The following DNAH10 variants were observed in gnomAD, a reference collection of about 807,000 sequenced individuals.
DNAH10 encodes the protein axonemal beta dynein heavy chain 10.
Under a neutral mutation model 506.6 loss-of-function variants are expected in DNAH10, and 348 were observed. The ratio of observed to expected loss-of-function variants is 0.69; its 90% CI spans 0.63 to 0.75. The LOEUF is 0.75. Ranked by LOEUF, DNAH10 falls within the 30% of genes least tolerant of loss-of-function variation. The pLI is 0.00. For synonymous variants in DNAH10, 2,059 were observed against 2,198.6 expected, an observed-to-expected ratio of 0.94 and a Z score of 1.78; for missense variants, 5,179 against 5,787.1, an observed-to-expected ratio of 0.89 and a Z score of 3.41.
intron 29 of DNAH10, among the ~76,000 whole-genome samples, chr12:123,840,744 G>T (rs1437726814): frequency 1.3e-5 from 2 of 152,042 alleles, no homozygotes; most frequent in African/African-American, 2.4e-5. Flanking sequence ...GGGCCCTAAA[G>T]GACTCATTGT....
chr12:123,908,081 TCTCTGTCTCCTCCCTGTC>T (rs1953872166), intron 57 of DNAH10, among the ~76,000 whole-genome samples: 1 of 130,804 alleles, frequency 7.6e-6, no homozygotes, highest in South Asian at 2.3e-4. Flanking sequence ...CCTCCCTGTC[TCTCTGTCTCCTCCCTGTC>T]TCCCTGTCTC....
intron 51 of DNAH10, among the ~76,000 whole-genome samples, chr12:123,884,710 T>G (rs1002455859): frequency 3.9e-5 from 6 of 152,256 alleles, no homozygotes; most frequent in East Asian, 1.9e-4. Flanking sequence ...TGTGTGTGTG[T>G]GGGGAGAACA....
chr12:123,808,570 A>T (rs541674036), intron 18 of DNAH10, among the ~76,000 whole-genome samples: 2 of 152,238 alleles, frequency 1.3e-5, no homozygotes, highest in African/African-American at 4.8e-5. Context: ...CTATTTTCCA[A>T]CCAAAAGGTC....
Position 123,923,848 on chromosome 12 carries a change from A to C in DNAH10, c.11592A>C (p.Glu3864Asp). The change falls in exon 66 of 79, where the codon GAA becomes GAC. Residue 3864 changes from glutamate to aspartate, a missense_variant. Glu to Asp is a conservative substitution (Grantham distance 45). Coordinates refer to ENST00000673944, the MANE Select transcript of DNAH10 (RefSeq NM_001372106.1). ...EQAEGRVPQE[E>D]LDFFLKGNIS... ...CAGAAGGGAGAGTCCCTCAAGAAGA[A>C]CTAGATTTCTTTTTAAAAGGTAATG... 3 of 1,610,226 alleles carry C rather than the reference A, an allele frequency of 1.9e-6. No homozygotes were observed. The highest frequency in any genetic ancestry group is 2.5e-6 in the Non-Finnish European group (3 of 1,178,762).
intron 59 of DNAH10, among the ~76,000 whole-genome samples, chr12:123,912,600 C>G (rs1389641481): frequency 6.6e-6 from 1 of 152,124 alleles, no homozygotes; most frequent in African/African-American, 2.4e-5. Context: ...GAAATGTCTC[C>G]AGACAGTACC....
rs1952031942 is a variant in DNAH10 at position 123,871,441 on chromosome 12, C to T, written c.7640-16C>T. 6.3e-7 allele frequency: 1 copy of T among 1,584,136 alleles called. No homozygotes were observed. Among genetic ancestry groups the T allele is most frequent in the South Asian group, 1.2e-5 (1 of 86,750 alleles). On this transcript the variant is annotated splice_polypyrimidine_tract_variant and intron_variant, in intron 44 of 78. Coordinates refer to ENST00000673944, the MANE Select transcript of DNAH10 (RefSeq NM_001372106.1). ...TGGAGTTGCTGAGATGCCCCTGTTC[C>T]TAATGTCTACTTTAGTTCACACAGT...
At chr12:123,819,440 A>G (rs1032963996) in intron 23 of DNAH10, among the ~76,000 whole-genome samples, 190 bp downstream of exon 23, 3 of 150,254 alleles carry the variant, frequency 2.0e-5, no homozygotes, top group Admixed American at 6.6e-5. Context: ...AATGCGACTC[A>G]TTGATTGTTG....
chr12:123,805,690 G>A (rs960934040), intron 18 of DNAH10, among the ~76,000 whole-genome samples: 1 of 151,974 alleles, frequency 6.6e-6, no homozygotes, highest in East Asian at 1.9e-4. Context: ...TTATCATGCA[G>A]TGTCTTCCTT....
At chr12:123,890,639 G>C (rs943988200) in intron 52 of DNAH10, among the ~76,000 whole-genome samples, 5 of 152,158 alleles carry the variant, frequency 3.3e-5, no homozygotes, top group Non-Finnish European at 5.9e-5. Context: ...CGAGATTAGA[G>C]GGGAACAGGA....
chr12:123,882,078 T>C (rs1032052734), intron 51 of DNAH10: 4 of 349,936 alleles, frequency 1.1e-5, no homozygotes, highest in African/African-American at 6.3e-5. Context: ...AAGTCAAAAA[T>C]ATTGTCAGTT....
Position 123,838,444 on chromosome 12 carries a change from G to A in DNAH10, c.4903-12G>A. 3 of 1,609,444 alleles carry A rather than the reference G, an allele frequency of 1.9e-6. No homozygotes were observed. The highest frequency in any genetic ancestry group is 2.2e-5 in the South Asian group (2 of 90,348). On this transcript the variant is annotated splice_polypyrimidine_tract_variant and intron_variant, in intron 28 of 78. Coordinates refer to ENST00000673944, the MANE Select transcript of DNAH10 (RefSeq NM_001372106.1). ...TCACCCTGCTTGACGGCTGTCCTCT[G>A]TTCTGGTCCAGATCATGGGTGAGAC...
Position 123,783,279 on chromosome 12 carries a change from G to A in DNAH10, c.999+15G>A. The A allele has an allele frequency of 2.5e-6, 4 of 1,612,454 alleles. No individual in the cohort carries two copies. Among genetic ancestry groups the A allele is most frequent in the Non-Finnish European group, 2.5e-6 (3 of 1,179,296 alleles). On this transcript the variant is annotated intron_variant, in intron 7 of 78. Transcript: ENST00000673944. ...AGACACCTCAGGTAGTTTGTGCAGG[G>A]CTTTCAGAGAGCCCCGATCCAGGTC...
Position 123,917,587 on chromosome 12 carries a change from C to T in DNAH10, c.11006C>T (p.Thr3669Met), listed in dbSNP as rs553611508. 1.3e-5 allele frequency: 20 copies of T among 1,551,150 alleles called. No homozygotes were observed. In the East Asian group the frequency reaches 2.4e-4, roughly 19 times the overall value. ...GKAMVINYTV[T>M]LKGLEDQLLS... ...GGCCTCTCACTGTCCCCCACAGTCA[C>T]GCTGAAGGGCCTGGAGGACCAGCTG... Residue 3669 changes from threonine (T) to methionine (M), a missense_variant, in exon 64 of 79, where the codon ACG (threonine) becomes ATG (methionine). Thr to Met is a moderately conservative substitution (Grantham distance 81). This residue lies in a region of DNAH10 where 4,844 missense variants were observed against 5,430.5 expected (regional missense o/e 0.89). Coordinates refer to ENST00000673944, the MANE Select transcript of DNAH10 (RefSeq NM_001372106.1). This position sits in a 1 kb window ranked among gnomAD's most constrained non-coding sequence, Gnocchi z 5.6.
Position 123,916,364 on chromosome 12 carries a change from A to T in DNAH10, c.10723-93A>T. On this transcript the variant is annotated intron_variant, in intron 62 of 78. Transcript: ENST00000673944. This position sits in a 1 kb window ranked among gnomAD's most constrained non-coding sequence, Gnocchi z 4.6. ...CTGGCCCCCTCCAAGTTCCTGGCCCATCCACTTCCCACTTCCAAGCCATTC... is the reference window on the plus strand; with the variant it reads ...CTGGCCCCCTCCAAGTTCCTGGCCCTTCCACTTCCCACTTCCAAGCCATTC... 6.6e-7 allele frequency: 1 copy of T among 1,505,498 alleles called. No homozygotes were observed. The allele number at this position is 1,505,498 out of a possible 1,614,324, so 93.3% of individuals were successfully genotyped here.
chr12:123,921,427 C>T (rs565187935), intron 65 of DNAH10, among the ~76,000 whole-genome samples: 3 of 152,364 alleles, frequency 2.0e-5, no homozygotes, highest in East Asian at 3.9e-4. Flanking sequence ...TTCCAAAGTT[C>T]ACTTGGGTGG....
At chr12:123,875,735 T>C (rs1222963074) in intron 47 of DNAH10, among the ~76,000 whole-genome samples, 1 of 152,222 alleles carries the variant, frequency 6.6e-6, no homozygotes, top group Non-Finnish European at 1.5e-5. Flanking sequence ...AAAAGTGCCT[T>C]GGGCCCGTGG....
chr12:123,896,355 A>C (rs1381617170), intron 54 of DNAH10, among the ~76,000 whole-genome samples: 1 of 152,102 alleles, frequency 6.6e-6, no homozygotes, highest in Non-Finnish European at 1.5e-5. Context: ...CGGTACTTTC[A>C]ATCTGTCTTT....
rs1392253365 is a variant in DNAH10, at chr12:123,918,794, C to T, written c.11351C>T (p.Ala3784Val). The T allele has an allele frequency of 6.2e-7, 1 of 1,613,752 alleles. No individual in the cohort carries two copies. The highest frequency in any genetic ancestry group is 1.1e-5 in the South Asian group (1 of 91,036). The change falls in exon 65 of 79, where the codon GCC (alanine) becomes GTC (valine). Residue 3784 changes from alanine (A) to valine (V), a missense_variant. Ala to Val is a moderately conservative substitution (Grantham distance 64, BLOSUM62 0). Coordinates refer to ENST00000673944, the MANE Select transcript of DNAH10 (RefSeq NM_001372106.1). ...CTGTTCTTCGTCCTGTCTGAGATGG[C>T]CCTGGTGAACTCCATGTACCAGTAC... is the stretch of plus-strand genomic sequence containing the variant. ...AILFFVLSEM[A>V]LVNSMYQYSL...
chr12:123,924,312 G>C lies in DNAH10; in HGVS notation c.11646G>C (p.Lys3882Asn). 1 of 1,612,090 alleles carries C rather than the reference G, an allele frequency of 6.2e-7. No homozygotes were observed. Among genetic ancestry groups the C allele is most frequent in the Non-Finnish European group, 8.5e-7 (1 of 1,178,760 alleles). Residue 3882 changes from lysine (K) to asparagine (N), a missense_variant, in exon 67 of 79, where the codon AAG becomes AAC. Transcript: ENST00000673944. ...NISLEKSKRKKPCAWLSDQGW... is the reference protein window; with the variant it reads ...NISLEKSKRKNPCAWLSDQGW... Reference sequence around the variant, plus strand: ...CCCTGGAGAAAAGCAAAAGAAAAAAGCCCTGCGCTTGGTTGTCTGACCAAG... The same window carrying C: ...CCCTGGAGAAAAGCAAAAGAAAAAACCCCTGCGCTTGGTTGTCTGACCAAG...
Sources: allele counts gnomAD v4.1 joint callset (sites outside exome capture counted in the v4.1 genomes callset), GRCh38; gene constraint gnomAD v4.1.1; regional missense constraint gnomAD v4.1.1; non-coding constraint Gnocchi (gnomAD v3.1); transcripts MANE v1.5; gene names NCBI Gene and HGNC (gene_info 2026-07-23, HGNC 2026-07-21).